The following TC2N variants were observed in gnomAD, a reference collection of about 807,000 sequenced individuals.
TC2N encodes the protein tandem C2 domains, nuclear, also known as tandem C2 domains nuclear protein.
Under a neutral mutation model 61.9 loss-of-function variants are expected in TC2N, and 51 were observed. The observed-to-expected ratio is 0.82, with a 90% confidence interval of 0.66 to 1.04. The LOEUF is 1.04. Among genes scored for constraint, TC2N ranks in the 50% least tolerant of loss-of-function variants. The pLI is 0.00. For synonymous variants in TC2N, 204 were observed against 192.6 expected (o/e 1.06, Z -0.49); for missense variants, 556 against 566.7 (o/e 0.98, Z 0.19).
intron 1 of TC2N, among the ~76,000 whole-genome samples, chr14:91,846,608 G>A (rs1888275814): frequency 6.6e-6 from 1 of 152,224 alleles, no homozygotes; most frequent in Non-Finnish European, 1.5e-5. Context: ...GCCCTGTGGA[G>A]CATCCTCGCT....
intron 9 of TC2N, among the ~76,000 whole-genome samples, chr14:91,789,498 C>A (rs545467754): frequency 6.6e-6 from 1 of 151,564 alleles, no homozygotes; most frequent in African/African-American, 2.4e-5. Context: ...GTAGTCCCAG[C>A]TACTTAGGAG....
rs573488761 is a variant in TC2N, at chr14:91,784,588, C to T, written c.1362+574G>A. Among the ~76,000 whole-genome samples the T allele has an allele frequency of 2.0e-5, 3 of 152,134 alleles. No individual in the cohort carries two copies. The South Asian group carries it at 6.2e-4, about 32-fold the overall frequency. ...AATGGACAGCTACCACTAGTCTATT[C>T]AGAGTAAGGAAAGGAAACAAGTTCC... On this transcript the variant is annotated intron_variant, in intron 11 of 11. Coordinates refer to ENST00000435962, the MANE Select transcript of TC2N (RefSeq NM_001128596.3).
At chr14:91,802,215 G>A (rs768912388) in intron 4 of TC2N, 39 bp downstream of exon 4, 5 of 1,462,244 alleles carry the variant, frequency 3.4e-6, no homozygotes, top group Non-Finnish European at 4.5e-6. Flanking sequence ...ATTTCTTAAA[G>A]AGAAACACAG....
chr14:91,799,582 A>G (rs1007804288), intron 5 of TC2N, among the ~76,000 whole-genome samples: 1 of 152,130 alleles, frequency 6.6e-6, no homozygotes, highest in Non-Finnish European at 1.5e-5. Context: ...GATGTGTGTT[A>G]AACAACTGCT....
chr14:91,793,142 C>T (rs577131931), intron 8 of TC2N, among the ~76,000 whole-genome samples: 7 of 152,160 alleles, frequency 4.6e-5, no homozygotes, highest in Non-Finnish European at 8.8e-5. Flanking sequence ...AAAATTATAT[C>T]TTCTCTCCTA....
intron 4 of TC2N, among the ~76,000 whole-genome samples, chr14:91,801,626 GATTGCACC>G (rs1886253497): frequency 6.6e-6 from 1 of 152,204 alleles, no homozygotes; most frequent in South Asian, 2.1e-4. Context: ...AGTGAGCTGA[GATTGCACC>G]ACTGCACTCC....
chr14:91,856,266 A>G (rs1888480965), intron 1 of TC2N, among the ~76,000 whole-genome samples: 1 of 152,162 alleles, frequency 6.6e-6, no homozygotes, highest in Admixed American at 6.5e-5. Flanking sequence ...AGGTGGGCGA[A>G]TCACTTGAGG....
intron 1 of TC2N, among the ~76,000 whole-genome samples, chr14:91,848,531 G>A (rs759857480): frequency 1.3e-5 from 2 of 152,156 alleles, no homozygotes; most frequent in Non-Finnish European, 2.9e-5. Flanking sequence ...CTAGTGGGAG[G>A]AAAATGCACT....
chr14:91,812,397 T>G lies in TC2N; in HGVS notation c.216A>C (p.Glu72Asp). The G allele has an allele frequency of 6.2e-7, 1 of 1,612,864 alleles. No individual in the cohort carries two copies. Among genetic ancestry groups the G allele is most frequent in the Non-Finnish European group, 8.5e-7 (1 of 1,179,230 alleles). ...TAAACTTGGGCACCACAAATGGTAC[T>G]TCTTTGCCATCAGATGGTAATTTGG... ...LLSKLPSDGKEVPFVVPKFKL... is the reference protein window; with the variant it reads ...LLSKLPSDGKDVPFVVPKFKL... Residue 72 changes from glutamate to aspartate, a missense_variant, in exon 3 of 12, where the codon GAA becomes GAC. Physicochemically the swap from Glu to Asp is conservative, Grantham distance 45 (BLOSUM62 2). Coordinates refer to ENST00000435962, the MANE Select transcript of TC2N (RefSeq NM_001128596.3).
At position 91,812,485 on chromosome 14, in the gene TC2N, A is replaced by G. The variant is rs79795065; in HGVS notation, c.128T>C (p.Val43Ala). Residue 43 changes from valine to alanine, a missense_variant, in exon 3 of 12, where the codon GTA becomes GCA. Transcript: ENST00000435962. ...TACAGAAACAGAAGTCAATGGAGGT[A>G]CAGAGATAGTAGCATTTTGACTATT... ...VPNSQNATISVPPLTSVSVKP... is the reference protein window; with the variant it reads ...VPNSQNATISAPPLTSVSVKP... 1,478 of 1,612,180 alleles carry G rather than the reference A, an allele frequency of 9.2e-4. 17 individuals are homozygous for G. In the African/African-American group the frequency reaches 0.018, roughly 19 times the overall value.
intron 1 of TC2N, among the ~76,000 whole-genome samples, chr14:91,824,385 C>A (rs1325209514): frequency 6.6e-6 from 1 of 152,220 alleles, no homozygotes; most frequent in Non-Finnish European, 1.5e-5. Context: ...AGTCTAGGAA[C>A]AGCCTGTCTA....
At chr14:91,819,721 A>G (rs1420964177) in intron 1 of TC2N, among the ~76,000 whole-genome samples, 2 of 152,202 alleles carry the variant, frequency 1.3e-5, no homozygotes, top group African/African-American at 4.8e-5. Flanking sequence ...AAAGGTTTGT[A>G]ACATATGTAA....
chr14:91,791,445 A>G (rs1595223758), intron 9 of TC2N, among the ~76,000 whole-genome samples: 2 of 152,218 alleles, frequency 1.3e-5, no homozygotes, highest in African/African-American at 4.8e-5. Flanking sequence ...CAAAAGCTTA[A>G]GACTGATTTT....
chr14:91,810,773 G>A (rs1886727141), intron 3 of TC2N, among the ~76,000 whole-genome samples: 1 of 151,456 alleles, frequency 6.6e-6, no homozygotes, highest in African/African-American at 2.4e-5. Flanking sequence ...TTCATGAATA[G>A]GCTTAACAGC....
intron 3 of TC2N, 74 bp downstream of exon 3, chr14:91,812,237 TA>T: frequency 1.3e-6 from 1 of 758,320 alleles, no homozygotes; most frequent in Non-Finnish European, 1.9e-6. Flanking sequence ...AATTTTGTAT[TA>T]AAAATATAAA....
At position 91,867,365 on chromosome 14, in the gene TC2N, A is replaced by C. The variant is rs1008226226; in HGVS notation, c.-160T>G. The C allele has an allele frequency of 6.6e-6, 1 of 152,186 alleles. No homozygotes were observed. Among genetic ancestry groups the C allele is most frequent in the Non-Finnish European group, 1.5e-5 (1 of 68,116 alleles). 9.4% of individuals were successfully genotyped at this position (152,186 alleles called of 1,614,324 possible). The stretch of plus-strand genomic sequence containing the variant: ...ATTCCATCCTTCTTCCCAGCCCCTG[A>C]GTCTCCCTACACAGCAGGGACCCAG... On this transcript the variant is annotated 5_prime_UTR_variant, in exon 1 of 12. Coordinates refer to ENST00000435962, the MANE Select transcript of TC2N (RefSeq NM_001128596.3).
chr14:91,802,680 T>G (rs1326727905), intron 3 of TC2N, among the ~76,000 whole-genome samples: 1 of 152,036 alleles, frequency 6.6e-6, no homozygotes, highest in Non-Finnish European at 1.5e-5. Flanking sequence ...AATTCTGTAT[T>G]GTGTGATCTG....
chr14:91,845,469 G>GC (rs1225547164), intron 1 of TC2N, among the ~76,000 whole-genome samples: 1 of 152,124 alleles, frequency 6.6e-6, no homozygotes, highest in Non-Finnish European at 1.5e-5. Context: ...AAATTGTAAA[G>GC]CCTAGACTTA....
rs1437313916 is a variant in TC2N, at chr14:91,783,470, A to C, written c.1363-260T>G. ...ATTCAAGGTGAAATATTACAAAATCATTTCCCCTAGAACAGTTATTAGTAT... is the reference window on the plus strand; with the variant it reads ...ATTCAAGGTGAAATATTACAAAATCCTTTCCCCTAGAACAGTTATTAGTAT... On this transcript the variant is annotated intron_variant, in intron 11 of 11. Transcript: ENST00000435962. Among the ~76,000 whole-genome samples the C allele has an allele frequency of 6.6e-5, 10 of 152,172 alleles. No individual in the cohort carries two copies. The East Asian group carries it at 1.5e-3, about 23-fold the overall frequency.
Sources: gnomAD v4.1 joint callset for allele counts (sites outside exome capture counted in the v4.1 genomes callset) on GRCh38, gnomAD v4.1.1 for gene constraint, MANE v1.5 for transcripts, NCBI Gene and HGNC (gene_info 2026-07-23, HGNC 2026-07-21) for gene names.